The following ACOX3 variants were observed in gnomAD, a reference collection of about 807,000 sequenced individuals.
ACOX3 encodes the protein peroxisomal acyl-coenzyme A oxidase 3.
In ACOX3, 73 loss-of-function variants were observed where a neutral mutation model predicts 81.5. The observed-to-expected ratio is 0.90, with a 90% CI of 0.74 to 1.09. The LOEUF is 1.09. Ranked by LOEUF, ACOX3 falls within the 50% of genes least tolerant of loss-of-function variation. ACOX3 has a pLI of 0.00. For synonymous variants in ACOX3, 387 were observed against 375.1 expected (o/e 1.03, Z -0.37); for missense variants, 947 against 928.0 (o/e 1.02, Z -0.27).
At chr4:8,417,270 G>C (rs2631765) in intron 1 of ACOX3, among the ~76,000 whole-genome samples, 72,283 of 152,144 alleles carry the variant, frequency 0.48, 17,280 homozygotes, top group South Asian at 0.56. Flanking sequence ...CACCTTCACT[G>C]TTTAAGGCCT....
At chr4:8,373,886 C>G (rs1389005809) in intron 15 of ACOX3, 1 of 553,764 alleles carries the variant, frequency 1.8e-6, no homozygotes, top group African/African-American at 1.9e-5. Context: ...GTCCCAGGCT[C>G]AGAGGTGACA....
rs113352513 is a variant in ACOX3 at position 8,416,387 on chromosome 4, G to C, written c.135C>G (p.Leu45=). The change falls in exon 2 of 18, where the codon CTC becomes CTG. Residue 45 remains leucine (L), a synonymous_variant. Coordinates refer to ENST00000356406, the MANE Select transcript of ACOX3 (RefSeq NM_003501.3). This position sits in a 1 kb window ranked among gnomAD's most constrained non-coding sequence, Gnocchi z 4.2. ...LALFTEGEGM[L]RFKKTIFSAL... ...CAACCGCACGCCTCACCTTAAAGCGGAGCATGCCCTCCCCTTCCGTGAACA... is the reference window on the plus strand; with the variant it reads ...CAACCGCACGCCTCACCTTAAAGCGCAGCATGCCCTCCCCTTCCGTGAACA... 1 of 1,614,160 alleles carries C rather than the reference G, an allele frequency of 6.2e-7. No homozygotes were observed. The highest frequency in any genetic ancestry group is 1.3e-5 in the African/African-American group (1 of 75,036).
chr4:8,435,607 G>C (rs1210334359), intron 1 of ACOX3, among the ~76,000 whole-genome samples: 1 of 152,230 alleles, frequency 6.6e-6, no homozygotes, highest in Non-Finnish European at 1.5e-5. Flanking sequence ...ACAGGGGTTG[G>C]AGGACAGCCA....
chr4:8,425,355 C>A (rs1404902026), intron 1 of ACOX3, among the ~76,000 whole-genome samples: 1 of 151,990 alleles, frequency 6.6e-6, no homozygotes, highest in South Asian at 2.1e-4. Context: ...GATGGGGAAC[C>A]TCACGAGGAC....
chr4:8,384,589 C>A lies in ACOX3; in HGVS notation c.1538-2982G>T, dbSNP rs1028066619. On this transcript the variant is annotated intron_variant, in intron 13 of 17. Transcript: ENST00000356406. This position sits in a 1 kb window ranked among gnomAD's most constrained non-coding sequence, Gnocchi z 5.3. ...GAAGGACTCTCGAAGGTGCCCCCAG[C>A]CGCCCTGTGCACCCAATGACTGCCC... 1.3e-5 allele frequency among the ~76,000 whole-genome samples: 2 copies of A among 152,202 alleles called. No individual in the cohort carries two copies. Among genetic ancestry groups the A allele is most frequent in the African/African-American group, 4.8e-5 (2 of 41,438 alleles).
rs757123710 is a variant in ACOX3 at position 8,375,120 on chromosome 4, G to A, written c.1686C>T (p.Phe562=). ...VSHGRPLALA[F]VELTVVQRFH... The stretch of plus-strand genomic sequence containing the variant: ...ACCTCTGGACCACCGTGAGCTCCAC[G>A]AAGGCCAGCGCCAACGGACGGCCGT... Residue 562 remains phenylalanine (F), a synonymous_variant, in exon 15 of 18, where the codon TTC becomes TTT. Coordinates refer to ENST00000356406, the MANE Select transcript of ACOX3 (RefSeq NM_003501.3). 8 of 1,553,396 alleles carry A rather than the reference G, an allele frequency of 5.2e-6. No homozygotes were observed. The highest frequency in any genetic ancestry group is 2.4e-5 in the East Asian group (1 of 41,872).
chr4:8,389,356 G>A lies in ACOX3; in HGVS notation c.1424-70C>T. On this transcript the variant is annotated intron_variant, in intron 12 of 17. Transcript: ENST00000356406. This position sits in a 1 kb window ranked among gnomAD's most constrained non-coding sequence, Gnocchi z 5.3. Reference sequence around the variant, plus strand: ...AACCATTGGGAACCCCAAGCTGGGGGCACCCCAAAGCACAGAGAGTGTCCA... The same window carrying A: ...AACCATTGGGAACCCCAAGCTGGGGACACCCCAAAGCACAGAGAGTGTCCA... The A allele has an allele frequency of 6.9e-7, 1 of 1,456,930 alleles. No homozygotes were observed. The highest frequency in any genetic ancestry group is 1.2e-5 in the South Asian group (1 of 82,642). The allele number at this position is 1,456,930 out of a possible 1,614,324, so 90.3% of individuals were successfully genotyped here. A position where few individuals can be genotyped will look rare whatever the true frequency, so the allele number is the denominator to read the frequency against.
At position 8,440,650 on chromosome 4, in the gene ACOX3, A is replaced by T; in HGVS notation, c.-17T>A. ...AAAACACAGGTCAAATTCCTCACCC[A>T]CACACTCCACAGTTCAACCCCTGCC... On this transcript the variant is annotated splice_region_variant and 5_prime_UTR_variant, in exon 1 of 18. The change creates a premature stop within an existing upstream ORF in the 5' untranslated region. Coordinates refer to ENST00000356406, the MANE Select transcript of ACOX3 (RefSeq NM_003501.3). 1 of 741,574 alleles carries T rather than the reference A, an allele frequency of 1.3e-6. No individual in the cohort carries two copies. The highest frequency in any genetic ancestry group is 3.2e-5 in the East Asian group (1 of 30,864). The allele number at this position is 741,574 out of a possible 1,614,324, so 45.9% of individuals were successfully genotyped here.
rs1165196297 is a variant in ACOX3 at position 8,407,587 on chromosome 4, A to T, written c.688-1544T>A. On this transcript the variant is annotated intron_variant, in intron 6 of 17. Coordinates refer to ENST00000356406, the MANE Select transcript of ACOX3 (RefSeq NM_003501.3). The surrounding 1 kb of genome is among the most constrained non-coding windows in gnomAD (Gnocchi z 4.6). The stretch of plus-strand genomic sequence containing the variant: ...TGCTTTGCTGTGGCAGCCATGAGAG[A>T]CTAACACGGGGGCCGGTGCTGCCGG... 6.6e-6 allele frequency among the ~76,000 whole-genome samples: 1 copy of T among 152,198 alleles called. No homozygotes were observed. The highest frequency in any genetic ancestry group is 2.4e-5 in the African/African-American group (1 of 41,446).
rs1388908307 is a variant in ACOX3 at position 8,416,280 on chromosome 4, G to C, written c.144+98C>G. The C allele has an allele frequency of 6.9e-6, 11 of 1,599,064 alleles. No homozygotes were observed. Among genetic ancestry groups the C allele is most frequent in the Admixed American group, 3.3e-5 (2 of 59,820 alleles). On this transcript the variant is annotated intron_variant, in intron 2 of 17. Transcript: ENST00000356406. The surrounding 1 kb of genome is among the most constrained non-coding windows in gnomAD (Gnocchi z 4.2). ...GCGCTGCCTGGGATGAGCCTCGCCC[G>C]GCAGAGGAGGAGCTGTGAGAGCCAG...
chr4:8,360,466 CTTT>C, the ACOX3 span, among the ~76,000 whole-genome samples: 1 of 119,760 alleles, frequency 8.4e-6, no homozygotes, highest in Non-Finnish European at 1.6e-5. Flanking sequence ...TAAACTGCTT[CTTT>C]GACTTTTTTT....
At chr4:8,392,906 A>C (rs1421099957) in intron 10 of ACOX3, 1 of 153,226 alleles carries the variant, frequency 6.5e-6, no homozygotes, top group African/African-American at 2.4e-5. Context: ...GGCCGGGACC[A>C]GTCCATTCCC....
chr4:8,397,588 CTTT>C (rs1407766475), intron 8 of ACOX3, among the ~76,000 whole-genome samples: 3 of 152,250 alleles, frequency 2.0e-5, no homozygotes, highest in African/African-American at 7.2e-5. Flanking sequence ...CAGGCAGTTC[CTTT>C]ACGTGCGTCT....
chr4:8,434,422 C>T (rs185873215), intron 1 of ACOX3, among the ~76,000 whole-genome samples: 19 of 152,368 alleles, frequency 1.2e-4, no homozygotes, highest in East Asian at 1.9e-4. Context: ...GATTAAGGGA[C>T]GTTCAAGCCA....
rs185497835 is a variant in ACOX3, at chr4:8,432,495, T to C, written c.-15+8153A>G. Among the ~76,000 whole-genome samples, 1 of 151,810 alleles carries C rather than the reference T, an allele frequency of 6.6e-6. No individual in the cohort carries two copies. The highest frequency in any genetic ancestry group is 2.4e-5 in the African/African-American group (1 of 41,350). ...TGATCCACCCACCTCGGCCTCCCAA[T>C]GTGCTGGGATTACAGGCGTGAGCCA... On this transcript the variant is annotated intron_variant, in intron 1 of 17. Coordinates refer to ENST00000356406, the MANE Select transcript of ACOX3 (RefSeq NM_003501.3). The surrounding 1 kb of genome is among the most constrained non-coding windows in gnomAD (Gnocchi z 6.2).
At chr4:8,425,323 C>G (rs1343762508) in intron 1 of ACOX3, among the ~76,000 whole-genome samples, 2 of 152,032 alleles carry the variant, frequency 1.3e-5, no homozygotes, top group African/African-American at 4.8e-5. Flanking sequence ...GGAAACCAAG[C>G]CCCAGTACTC....
Position 8,400,998 on chromosome 4 carries a change from T to A in ACOX3, c.777-1346A>T, listed in dbSNP as rs930003697. On this transcript the variant is annotated intron_variant, in intron 7 of 17. Coordinates refer to ENST00000356406, the MANE Select transcript of ACOX3 (RefSeq NM_003501.3). This position sits in a 1 kb window ranked among gnomAD's most constrained non-coding sequence, Gnocchi z 4.4. ...GTTTTCCTGCAACTAGATGGTCCCATCTGGGGGTGATGGGAGGCAGTGACA... is the reference window on the plus strand; with the variant it reads ...GTTTTCCTGCAACTAGATGGTCCCAACTGGGGGTGATGGGAGGCAGTGACA... Among the ~76,000 whole-genome samples, 1 of 151,890 alleles carries A rather than the reference T, an allele frequency of 6.6e-6. No individual in the cohort carries two copies. The highest frequency in any genetic ancestry group is 6.6e-5 in the Admixed American group (1 of 15,220).
chr4:8,389,291 G>C lies in ACOX3; in HGVS notation c.1424-5C>G. On this transcript the variant is annotated splice_polypyrimidine_tract_variant and splice_region_variant and intron_variant, in intron 12 of 17. Transcript: ENST00000356406. This position sits in a 1 kb window ranked among gnomAD's most constrained non-coding sequence, Gnocchi z 5.3. ...GACTGCGGAAGCAAGCTCCATCTAGGACACACATTCCAGTGACTTTGGTGG... is the reference window on the plus strand; with the variant it reads ...GACTGCGGAAGCAAGCTCCATCTAGCACACACATTCCAGTGACTTTGGTGG... 1 of 1,610,418 alleles carries C rather than the reference G, an allele frequency of 6.2e-7. No homozygotes were observed. Among genetic ancestry groups the C allele is most frequent in the African/African-American group, 1.3e-5 (1 of 75,002 alleles).
chr4:8,370,772 C>T lies in ACOX3; in HGVS notation c.1983+136G>A, dbSNP rs911889133. 4 of 720,180 alleles carry T rather than the reference C, an allele frequency of 5.6e-6. No individual in the cohort carries two copies. Among genetic ancestry groups the T allele is most frequent in the African/African-American group, 5.3e-5 (3 of 56,790 alleles). 44.6% of individuals were successfully genotyped at this position (720,180 alleles called of 1,614,324 possible). ...TGAGACAGTCCTGACTTGTCCCGGG[C>T]CCTCCCCAAGAAGCTCCTCCATGTG... On this transcript the variant is annotated intron_variant, in intron 17 of 17. Coordinates refer to ENST00000356406, the MANE Select transcript of ACOX3 (RefSeq NM_003501.3). The surrounding 1 kb of genome is among the most constrained non-coding windows in gnomAD (Gnocchi z 6.3).
Sources: allele counts gnomAD v4.1 joint callset (sites outside exome capture counted in the v4.1 genomes callset), GRCh38; gene constraint gnomAD v4.1.1; non-coding constraint Gnocchi (gnomAD v3.1); transcripts MANE v1.5; gene names NCBI Gene and HGNC (gene_info 2026-07-23, HGNC 2026-07-21).